The following LRRC40 variants were observed in gnomAD, a reference collection of about 807,000 sequenced individuals.
LRRC40 encodes the protein leucine-rich repeat-containing protein 40.
Under a neutral mutation model 72.8 loss-of-function variants are expected in LRRC40, and 76 were observed. The observed-to-expected ratio is 1.04, with a 90% CI of 0.87 to 1.26. LRRC40 has a LOEUF of 1.26. Among genes scored for constraint, LRRC40 ranks in the 50% most tolerant of loss-of-function variants. The pLI, the probability that LRRC40 is intolerant of heterozygous loss-of-function variation, is 0.00. For synonymous variants in LRRC40, 243 were observed against 254.2 expected (o/e 0.96, Z 0.42); for missense variants, 684 against 698.9 (o/e 0.98, Z 0.24).
At chr1:70,187,459 A>G in intron 2 of LRRC40, 121 bp from the exon 3 acceptor site, 1 of 570,008 alleles carries the variant, frequency 1.8e-6, no homozygotes, top group Non-Finnish European at 3.2e-6. Flanking sequence ...AATGGCAACA[A>G]GTTGAACTAC....
chr1:70,174,103 T>C (rs113976322), intron 7 of LRRC40, among the ~76,000 whole-genome samples: 2 of 152,034 alleles, frequency 1.3e-5, no homozygotes, highest in South Asian at 2.1e-4. Context: ...AGATGACAAA[T>C]AGAAAAAGAT....
At chr1:70,201,918 G>A (rs761839744) in intron 1 of LRRC40, among the ~76,000 whole-genome samples, 36 of 151,936 alleles carry the variant, frequency 2.4e-4, no homozygotes, top group Non-Finnish European at 3.8e-4. Context: ...CAGAGGTTGC[G>A]GTGAGCTGAG....
chr1:70,200,354 T>C lies in LRRC40; in HGVS notation c.151+5036A>G, dbSNP rs190016049. 4.7e-4 allele frequency among the ~76,000 whole-genome samples: 71 copies of C among 152,058 alleles called. 1 individual carries two copies. Among genetic ancestry groups the C allele is most frequent in the Non-Finnish European group, 7.4e-5 (5 of 67,988 alleles). On this transcript the variant is annotated intron_variant, in intron 1 of 14. Coordinates refer to ENST00000370952, the MANE Select transcript of LRRC40 (RefSeq NM_017768.5). The stretch of plus-strand genomic sequence containing the variant: ...AGTGGTGCATGCCTGTGGTCCTAGC[T>C]ATTCAGGAGGCTGAGGCAGGAGATC...
At chr1:70,181,987 C>T (rs1305225989) in intron 4 of LRRC40, among the ~76,000 whole-genome samples, 1 of 151,864 alleles carries the variant, frequency 6.6e-6, no homozygotes, top group African/African-American at 2.4e-5. Context: ...TCAATGGCAA[C>T]AATGAATAAG....
chr1:70,203,619 G>A (rs773192484), intron 1 of LRRC40, among the ~76,000 whole-genome samples: 14 of 152,158 alleles, frequency 9.2e-5, no homozygotes, highest in Non-Finnish European at 1.8e-4. Context: ...TTTTTACTGT[G>A]TACTTTTTAT....
At chr1:70,153,972 C>CCAA (rs1460340962) in intron 11 of LRRC40, among the ~76,000 whole-genome samples, 1 of 58,178 alleles carries the variant, frequency 1.7e-5, no homozygotes, top group African/African-American at 7.1e-5. Flanking sequence ...GATCCTGTCT[C>CCAA]AAAAAAAAAA....
Position 70,175,956 on chromosome 1 carries a change from A to G in LRRC40, c.831T>C (p.Ile277=), listed in dbSNP as rs1156535700. The change falls in exon 7 of 15, where the codon ATT becomes ATC. Residue 277 remains isoleucine (I), a synonymous_variant. Transcript: ENST00000370952. ...LKELHVGENQ[I]EMLEAEHLKH... is the part of the protein sequence containing the mutation. ...TAAGATGTTCTGCCTCTAACATTTC[A>G]ATCTGGTTTTCACCTACGTGCAATT... is the stretch of plus-strand genomic sequence containing the variant. 6.3e-7 allele frequency: 1 copy of G among 1,581,488 alleles called. No homozygotes were observed. The highest frequency in any genetic ancestry group is 1.9e-5 in the Admixed American group (1 of 51,538).
rs766596240 is a variant in LRRC40 at position 70,159,407 on chromosome 1, A to G, written c.1143T>C (p.Thr381=). 6.3e-7 allele frequency: 1 copy of G among 1,596,082 alleles called. No individual in the cohort carries two copies. The highest frequency in any genetic ancestry group is 8.6e-7 in the Non-Finnish European group (1 of 1,167,754). ...DDGPSQSESA[T]ETAMTLPSES... ...CACTTGGTAGTGTCATGGCAGTCTC[A>G]GTAGCAGACTCACTTTGGCTAGGTC... Residue 381 remains threonine (T), a synonymous_variant, in exon 10 of 15, where the codon ACT becomes ACC. Coordinates refer to ENST00000370952, the MANE Select transcript of LRRC40 (RefSeq NM_017768.5).
intron 4 of LRRC40, among the ~76,000 whole-genome samples, chr1:70,181,486 C>T (rs1162068547): frequency 6.6e-6 from 1 of 151,990 alleles, no homozygotes; most frequent in Non-Finnish European, 1.5e-5. Flanking sequence ...ATAACGGATT[C>T]TGTTAAAACA....
At chr1:70,163,882 T>C (rs1033945895) in intron 9 of LRRC40, among the ~76,000 whole-genome samples, 2 of 152,076 alleles carry the variant, frequency 1.3e-5, no homozygotes, top group Non-Finnish European at 2.9e-5. Context: ...GCACCTGTCT[T>C]AGTCCATTTG....
chr1:70,150,639 A>G (rs535154298), intron 13 of LRRC40, among the ~76,000 whole-genome samples: 1 of 152,240 alleles, frequency 6.6e-6, no homozygotes, highest in Non-Finnish European at 1.5e-5. Flanking sequence ...CTACTCCTCT[A>G]CCTGTTTGCT....
At chr1:70,197,427 C>T (rs2100348030) in intron 1 of LRRC40, among the ~76,000 whole-genome samples, 1 of 152,100 alleles carries the variant, frequency 6.6e-6, no homozygotes, top group African/African-American at 2.4e-5. Flanking sequence ...ATGAGGACTA[C>T]AGGCATGTGC....
Position 70,150,978 on chromosome 1 carries a change from T to G in LRRC40, c.1517+150A>C. On this transcript the variant is annotated intron_variant, in intron 13 of 14. Coordinates refer to ENST00000370952, the MANE Select transcript of LRRC40 (RefSeq NM_017768.5). ...ATGAGAATTCTAAGAAAATAATATT[T>G]TTAACTCTAAGAAGAACTAAGTGAA... 3 of 502,912 alleles carry G rather than the reference T, an allele frequency of 6.0e-6. 1 individual carries two copies. The South Asian group carries it at 1.0e-4, about 17-fold the overall frequency. The allele number at this position is 502,912 out of a possible 1,614,324, so 31.2% of individuals were successfully genotyped here.
At chr1:70,181,665 G>GA (rs1668248875) in intron 4 of LRRC40, among the ~76,000 whole-genome samples, 2 of 151,448 alleles carry the variant, frequency 1.3e-5, no homozygotes, top group African/African-American at 2.4e-5. Flanking sequence ...AAATGAAGCT[G>GA]AAAAAAACGG....
chr1:70,179,468 T>G (rs1018178810), intron 5 of LRRC40, among the ~76,000 whole-genome samples: 1 of 152,048 alleles, frequency 6.6e-6, no homozygotes, highest in African/African-American at 2.4e-5. Flanking sequence ...GCCTGGGCAA[T>G]TTAACAACAG....
chr1:70,178,672 A>G (rs1364091304), intron 6 of LRRC40, among the ~76,000 whole-genome samples, 179 bp downstream of exon 6: 3 of 152,164 alleles, frequency 2.0e-5, no homozygotes, highest in African/African-American at 7.2e-5. Flanking sequence ...ATGTATTACT[A>G]AAAATACCAT....
intron 14 of LRRC40, among the ~76,000 whole-genome samples, chr1:70,146,537 G>A (rs992050234): frequency 5.3e-5 from 8 of 152,198 alleles, no homozygotes; most frequent in Admixed American, 2.0e-4. Context: ...CAAATTTAGG[G>A]GGGTAAGAAA....
chr1:70,191,563 T>C (rs1188802600), intron 1 of LRRC40, among the ~76,000 whole-genome samples: 1 of 152,138 alleles, frequency 6.6e-6, no homozygotes, highest in Non-Finnish European at 1.5e-5. Context: ...ATGTATCAAT[T>C]TGCTTTTCCA....
chr1:70,164,164 G>A (rs190946921), intron 9 of LRRC40, among the ~76,000 whole-genome samples: 51 of 152,182 alleles, frequency 3.4e-4, no homozygotes, highest in Admixed American at 3.3e-3. Context: ...GCCGAGGCGG[G>A]CGGATCACCT....
Sources: gnomAD v4.1 joint callset for allele counts (sites outside exome capture counted in the v4.1 genomes callset) on GRCh38, gnomAD v4.1.1 for gene constraint, MANE v1.5 for transcripts, NCBI Gene and HGNC (gene_info 2026-07-23, HGNC 2026-07-21) for gene names.